XKR4: variants seen among roughly 807,000 people sequenced by gnomAD.
XKR4 encodes XK related 4.
XKR4 carries 12 observed loss-of-function variants against 53.9 expected under a neutral mutation model. The observed-to-expected ratio is 0.22, with a 90% CI of 0.14 to 0.36. The LOEUF is 0.36. Ranked by LOEUF, XKR4 falls within the 10% of genes least tolerant of loss-of-function variation. The pLI, the probability that XKR4 is intolerant of heterozygous loss-of-function variation, is 1.00. For synonymous variants in XKR4, 354 were observed against 362.4 expected, an observed-to-expected ratio of 0.98 and a Z score of 0.26; for missense variants, 799 against 859.5, an observed-to-expected ratio of 0.93 and a Z score of 0.88.
At chr8:55,449,602 C>T in intron 2 of XKR4, 1 of 1,212,380 alleles carries the variant, frequency 8.2e-7, no homozygotes, top group South Asian at 1.2e-5. Flanking sequence ...GAGGAGTTGT[C>T]TTCACGTCAA....
chr8:55,403,911 A>C (rs77020195), intron 2 of XKR4, among the ~76,000 whole-genome samples: 2,134 of 152,350 alleles, frequency 0.014, 28 homozygotes, highest in African/African-American at 0.035. Flanking sequence ...GGAAGCTCAT[A>C]GAACGCCAGG....
intron 1 of XKR4, among the ~76,000 whole-genome samples, chr8:55,135,907 T>G (rs1377019847): frequency 1.3e-5 from 2 of 151,968 alleles, no homozygotes; most frequent in African/African-American, 4.8e-5. Context: ...TTTTTTTTGT[T>G]TTTTTGAGAC....
intron 2 of XKR4, among the ~76,000 whole-genome samples, chr8:55,385,974 T>C (rs779756441): frequency 5.9e-5 from 9 of 152,224 alleles, no homozygotes; most frequent in Non-Finnish European, 8.8e-5. Flanking sequence ...ATATGTATAA[T>C]TTTAAAAATC....
At position 55,187,305 on chromosome 8, in the gene XKR4, C is replaced by CAAAAA. The variant is rs1168014848; in HGVS notation, c.806+84027_806+84031dup. 3.8e-3 allele frequency among the ~76,000 whole-genome samples: 360 copies of CAAAAA among 94,864 alleles called. 2 individuals carry two copies. The highest frequency in any genetic ancestry group is 6.5e-3 in the East Asian group (21 of 3,222). 62.2% of individuals were successfully genotyped at this position (94,864 alleles called of 152,430 possible). A position where few individuals can be genotyped will look rare whatever the true frequency, so the allele number is the denominator to read the frequency against. Reference sequence around the variant, plus strand: ...GTGGGAAAATCTCTGTTTCCAGGACCAAAAAAAAAAAAAAAAAAAAGAAGA... The same window carrying CAAAAA: ...GTGGGAAAATCTCTGTTTCCAGGACCAAAAAAAAAAAAAAAAAAAAAAAAAGAAGA... On this transcript the variant is annotated intron_variant, in intron 1 of 2. Transcript: ENST00000327381.
rs144382777 is a variant in XKR4 at position 55,526,932 on chromosome 8, C to G, written c.*2705C>G. 665 of 152,192 alleles carry G rather than the reference C, an allele frequency of 4.4e-3. 4 individuals carry two copies. Among genetic ancestry groups the G allele is most frequent in the African/African-American group, 0.015 (637 of 41,528 alleles). 9.4% of individuals were successfully genotyped at this position (152,192 alleles called of 1,614,324 possible). A position where few individuals can be genotyped will look rare whatever the true frequency, so the allele number is the denominator to read the frequency against. On this transcript the variant is annotated 3_prime_UTR_variant, in exon 3 of 3. Transcript: ENST00000327381. ...CCAAATACTGTAAATACTCTGTTAT[C>G]CGACATATTTGGAGATTATGATGTT... is the stretch of plus-strand genomic sequence containing the variant.
intron 1 of XKR4, among the ~76,000 whole-genome samples, chr8:55,194,841 A>C (rs2129361438): frequency 6.6e-6 from 1 of 152,334 alleles, no homozygotes; most frequent in African/African-American, 2.4e-5. Context: ...ATCTGTGGCT[A>C]ACAAATCCTT....
At chr8:55,114,952 G>A (rs1030907672) in intron 1 of XKR4, among the ~76,000 whole-genome samples, 1 of 152,214 alleles carries the variant, frequency 6.6e-6, no homozygotes, top group East Asian at 1.9e-4. Flanking sequence ...TAGGAAAGCA[G>A]CCTAGTCATG....
chr8:55,264,119 G>A (rs1221827153), intron 1 of XKR4, among the ~76,000 whole-genome samples: 1 of 152,072 alleles, frequency 6.6e-6, no homozygotes, highest in East Asian at 1.9e-4. Flanking sequence ...AATATGCTGG[G>A]CATGGTCTGG....
chr8:55,420,812 A>AAATAAATAAATAAATAAAT, intron 2 of XKR4, among the ~76,000 whole-genome samples: 1 of 151,714 alleles, frequency 6.6e-6, no homozygotes, highest in South Asian at 2.1e-4. Context: ...ATAAATAAAT[A>AAATAAATAAATAAATAAAT]AATAAATAAA....
intron 2 of XKR4, among the ~76,000 whole-genome samples, chr8:55,468,159 T>A (rs919727578): frequency 1.6e-4 from 25 of 152,118 alleles, no homozygotes; most frequent in Admixed American, 5.9e-4. Flanking sequence ...GCATTGCCCA[T>A]CCATCTTCTG....
At chr8:55,260,569 G>T (rs990277652) in intron 1 of XKR4, among the ~76,000 whole-genome samples, 1 of 152,208 alleles carries the variant, frequency 6.6e-6, no homozygotes, top group African/African-American at 2.4e-5. Flanking sequence ...GAAAAAAAGA[G>T]AATAGCTCAC....
chr8:55,316,050 A>T lies in XKR4; in HGVS notation c.807-41628A>T, dbSNP rs59286194. Reference sequence around the variant, plus strand: ...ACAATCACCTACACCGTAAAAAATCATTGCAACATGAATTCAAAATTCAAA... The same window carrying T: ...ACAATCACCTACACCGTAAAAAATCTTTGCAACATGAATTCAAAATTCAAA... On this transcript the variant is annotated intron_variant, in intron 1 of 2. Coordinates refer to ENST00000327381, the MANE Select transcript of XKR4 (RefSeq NM_052898.2). Among the ~76,000 whole-genome samples the T allele has an allele frequency of 4.8e-3, 727 of 152,362 alleles. 6 individuals carry two copies. Among genetic ancestry groups the T allele is most frequent in the African/African-American group, 0.016 (661 of 41,592 alleles).
At chr8:55,479,064 C>G (rs938108928) in intron 2 of XKR4, among the ~76,000 whole-genome samples, 1 of 152,112 alleles carries the variant, frequency 6.6e-6, no homozygotes, top group Non-Finnish European at 1.5e-5. Context: ...TAGACATCTA[C>G]AGAACTCTCC....
At chr8:55,320,545 G>T (rs113895089) in intron 1 of XKR4, among the ~76,000 whole-genome samples, 12 of 152,250 alleles carry the variant, frequency 7.9e-5, no homozygotes, top group South Asian at 6.2e-4. Flanking sequence ...ACGGTATTTG[G>T]CCTTCTTTTC....
chr8:55,462,459 G>T (rs1805675083), intron 2 of XKR4, among the ~76,000 whole-genome samples: 1 of 152,134 alleles, frequency 6.6e-6, no homozygotes, highest in South Asian at 2.1e-4. Flanking sequence ...TGCCCTAAAA[G>T]AGCTCCTGAA....
At chr8:55,383,936 T>C in intron 2 of XKR4, among the ~76,000 whole-genome samples, 1 of 152,152 alleles carries the variant, frequency 6.6e-6, no homozygotes, top group Non-Finnish European at 1.5e-5. Flanking sequence ...TACTCAGAAA[T>C]AGTCCCACGT....
chr8:55,400,068 C>A (rs553049447), intron 2 of XKR4, among the ~76,000 whole-genome samples: 5 of 152,298 alleles, frequency 3.3e-5, no homozygotes, highest in African/African-American at 1.2e-4. Flanking sequence ...TTTCTCAGCA[C>A]AGTTCAGAAA....
At chr8:55,294,480 T>C (rs1449699491) in intron 1 of XKR4, among the ~76,000 whole-genome samples, 3 of 152,040 alleles carry the variant, frequency 2.0e-5, no homozygotes, top group African/African-American at 7.2e-5. Flanking sequence ...AGGGATGTAG[T>C]CGAGGTGGGA....
intron 1 of XKR4, among the ~76,000 whole-genome samples, chr8:55,219,176 G>A: frequency 6.6e-6 from 1 of 152,176 alleles, no homozygotes; most frequent in South Asian, 2.1e-4. Flanking sequence ...TACAGGAAAT[G>A]GCAGTAATGC....
Sources: gnomAD v4.1 joint callset for allele counts (sites outside exome capture counted in the v4.1 genomes callset) on GRCh38, gnomAD v4.1.1 for gene constraint, MANE v1.5 for transcripts, NCBI Gene and HGNC (gene_info 2026-07-23, HGNC 2026-07-21) for gene names.